The following APBB2 variants were observed in gnomAD, a reference collection of about 807,000 sequenced individuals.
The protein encoded by APBB2 is Fe65-like 1.
Under a neutral mutation model 82.5 loss-of-function variants are expected in APBB2, and 38 were observed. The ratio of observed to expected loss-of-function variants is 0.46; its 90% CI spans 0.36 to 0.60. APBB2 has a LOEUF of 0.60. Among genes scored for constraint, APBB2 ranks in the 20% least tolerant of loss-of-function variants. The pLI is 0.00. For missense variants in APBB2, 772 were observed against 972.3 expected (o/e 0.79, Z 2.74); for synonymous variants, 341 against 368.2 (o/e 0.93, Z 0.85).
chr4:40,960,027 G>A (rs1028497112), intron 6 of APBB2, among the ~76,000 whole-genome samples: 2 of 152,174 alleles, frequency 1.3e-5, no homozygotes, highest in African/African-American at 4.8e-5. Flanking sequence ...TATTCGTTAA[G>A]TGTATTTTAA....
chr4:41,010,879 T>C (rs1030646220), intron 6 of APBB2, among the ~76,000 whole-genome samples: 25 of 152,144 alleles, frequency 1.6e-4, no homozygotes, highest in African/African-American at 5.8e-4. Context: ...AATTAGAGAA[T>C]AGAATAATGA....
chr4:41,172,261 G>A (rs987656054), intron 1 of APBB2, among the ~76,000 whole-genome samples: 2 of 147,788 alleles, frequency 1.4e-5, no homozygotes, highest in South Asian at 2.1e-4. Context: ...AGCCAGCTTC[G>A]ATCATTACTT....
At chr4:41,059,824 C>T (rs878860339) in intron 4 of APBB2, among the ~76,000 whole-genome samples, 1 of 146,596 alleles carries the variant, frequency 6.8e-6, no homozygotes, top group Non-Finnish European at 1.5e-5. Context: ...CACTTCACAC[C>T]TCTATATTTC....
chr4:40,921,051 A>C (rs1397845720), intron 10 of APBB2, among the ~76,000 whole-genome samples: 1 of 152,162 alleles, frequency 6.6e-6, no homozygotes, highest in Non-Finnish European at 1.5e-5. Context: ...GGCTCCCTCA[A>C]CTCAAAATAA....
At chr4:41,010,127 T>C (rs1188157988) in intron 6 of APBB2, among the ~76,000 whole-genome samples, 1 of 152,144 alleles carries the variant, frequency 6.6e-6, no homozygotes, top group African/African-American at 2.4e-5. Flanking sequence ...CCCAAAATTA[T>C]GACTATTAAT....
intron 6 of APBB2, among the ~76,000 whole-genome samples, chr4:41,004,836 CA>C (rs34941899): frequency 0.078 from 3,826 of 48,764 alleles, 37 homozygotes; most frequent in African/African-American, 0.26. Flanking sequence ...GACCCCATCT[CA>C]AAAAAAAAAA....
chr4:41,055,772 C>T (rs1038605829), intron 4 of APBB2, among the ~76,000 whole-genome samples: 1 of 152,210 alleles, frequency 6.6e-6, no homozygotes, highest in East Asian at 1.9e-4. Flanking sequence ...TCCTGTGTGC[C>T]TCAGTTTCCT....
chr4:40,982,281 A>AGAAGGAAG (rs1177096577), intron 6 of APBB2, among the ~76,000 whole-genome samples: 1 of 17,476 alleles, frequency 5.7e-5, no homozygotes, highest in East Asian at 1.2e-3. Flanking sequence ...AAAGAAAGAA[A>AGAAGGAAG]GAAGGAAGGA....
intron 5 of APBB2, among the ~76,000 whole-genome samples, chr4:41,017,961 G>A (rs912175251): frequency 9.9e-5 from 15 of 152,050 alleles, no homozygotes; most frequent in Non-Finnish European, 2.1e-4. Flanking sequence ...GAATCAAAAG[G>A]CCTAAGAAAT....
In APBB2 at chr4:40,826,351, G is replaced by GC. The variant is rs1206965724; in HGVS notation, c.1733-382_1733-381insG. ...ATCAGAGACATAGGAAGATAACTGA[G>GC]TTCCCCCAGTAATCAACCCACGTTT... On this transcript the variant is annotated intron_variant, in intron 14 of 17. Transcript: ENST00000508593. The surrounding 1 kb of genome is among the most constrained non-coding windows in gnomAD (Gnocchi z 4.5). Among the ~76,000 whole-genome samples the GC allele has an allele frequency of 6.6e-6, 1 of 150,542 alleles. No homozygotes were observed. Among genetic ancestry groups the GC allele is most frequent in the African/African-American group, 2.4e-5 (1 of 40,950 alleles).
chr4:40,950,796 C>T (rs1789930630), intron 6 of APBB2, among the ~76,000 whole-genome samples: 1 of 151,886 alleles, frequency 6.6e-6, no homozygotes, highest in Non-Finnish European at 1.5e-5. Context: ...TGAGCCTAGA[C>T]TGTGCCATTG....
At chr4:40,995,569 A>G (rs1803407152) in intron 6 of APBB2, among the ~76,000 whole-genome samples, 1 of 151,054 alleles carries the variant, frequency 6.6e-6, no homozygotes, top group Non-Finnish European at 1.5e-5. Flanking sequence ...TTTTTGAAAC[A>G]GACTCACTTT....
intron 10 of APBB2, among the ~76,000 whole-genome samples, chr4:40,922,792 T>C (rs1484283421): frequency 6.6e-6 from 1 of 151,370 alleles, no homozygotes; most frequent in Non-Finnish European, 1.5e-5. Context: ...TGTATTTTTT[T>C]TTTTTTTTAT....
chr4:40,985,080 G>A (rs1319457196), intron 6 of APBB2, among the ~76,000 whole-genome samples: 2 of 151,754 alleles, frequency 1.3e-5, no homozygotes, highest in Non-Finnish European at 2.9e-5. Context: ...ACCACACCCA[G>A]CTAATTTTTT....
chr4:41,159,142 C>T (rs1764209632), intron 1 of APBB2, among the ~76,000 whole-genome samples: 1 of 152,230 alleles, frequency 6.6e-6, no homozygotes. Flanking sequence ...CAAGAGAGGA[C>T]TGTAGGGCAA....
chr4:40,909,466 G>A (rs764091337), intron 10 of APBB2, among the ~76,000 whole-genome samples: 49 of 152,118 alleles, frequency 3.2e-4, no homozygotes, highest in Non-Finnish European at 5.9e-4. Context: ...GATTCTTGAC[G>A]ATTCTTCACT....
At position 41,028,181 on chromosome 4, in the gene APBB2, T is replaced by C. The variant is rs181021033; in HGVS notation, c.19+5055A>G. Among the ~76,000 whole-genome samples, 201 of 152,368 alleles carry C rather than the reference T, an allele frequency of 1.3e-3. 1 individual carries two copies. Among genetic ancestry groups the C allele is most frequent in the African/African-American group, 4.5e-3 (189 of 41,590 alleles). ...GTGCACTACTCCATGCCATATATGC[T>C]TCTAAGTGCTGAGGATATAGCAGTG... is the stretch of plus-strand genomic sequence containing the variant. On this transcript the variant is annotated intron_variant, in intron 5 of 17. Transcript: ENST00000508593.
rs556418837 is a variant in APBB2 at position 41,099,311 on chromosome 4, C to T, written c.-149+1328G>A. On this transcript the variant is annotated intron_variant, in intron 3 of 17. Transcript: ENST00000508593. ...TGGCGCAATCTTGGCTCACTGCAAC[C>T]TCCGCCTCCCAGGTTCAAGCAATTC... Among the ~76,000 whole-genome samples, 37 of 152,202 alleles carry T rather than the reference C, an allele frequency of 2.4e-4. No homozygotes were observed. In the South Asian group the frequency reaches 7.5e-3, roughly 31 times the overall value.
At chr4:41,120,778 A>G (rs1046116617) in intron 2 of APBB2, among the ~76,000 whole-genome samples, 14 of 152,236 alleles carry the variant, frequency 9.2e-5, no homozygotes, top group Admixed American at 2.6e-4. Flanking sequence ...TGACTTCTGC[A>G]TATTTCTCTT....
Sources: gnomAD v4.1 joint callset for allele counts (sites outside exome capture counted in the v4.1 genomes callset) on GRCh38, gnomAD v4.1.1 for gene constraint, Gnocchi (gnomAD v3.1) non-coding constraint, MANE v1.5 for transcripts, NCBI Gene and HGNC (gene_info 2026-07-23, HGNC 2026-07-21) for gene names.